Variants in TUSC3 observed in about 807,000 individuals in gnomAD.
TUSC3 encodes tumor suppressor candidate 3.
TUSC3 carries 45 observed loss-of-function variants against 44.8 expected under a neutral mutation model. The ratio of observed to expected loss-of-function variants is 1.00; its 90% CI spans 0.79 to 1.29. TUSC3 has a LOEUF of 1.29. Among genes scored for constraint, TUSC3 ranks in the 50% most tolerant of loss-of-function variants. The pLI, the probability that TUSC3 is intolerant of heterozygous loss-of-function variation, is 0.00. For missense variants in TUSC3, 519 were observed against 437.9 expected (o/e 1.19, Z -1.65); for synonymous variants, 212 against 152.9 (o/e 1.39, Z -2.85).
intron 1 of TUSC3, among the ~76,000 whole-genome samples, chr8:15,436,817 A>C (rs985388572): frequency 5.3e-5 from 8 of 152,222 alleles, no homozygotes; most frequent in African/African-American, 1.9e-4. Context: ...TACAGAGGTT[A>C]ACTCATAAGC....
chr8:15,622,244 G>A (rs1450422902), intron 1 of TUSC3, among the ~76,000 whole-genome samples: 2 of 151,952 alleles, frequency 1.3e-5, no homozygotes, highest in East Asian at 1.9e-4. Flanking sequence ...AACTTCTCAG[G>A]CTTGTTCAAG....
chr8:15,596,198 T>C (rs899102954), intron 1 of TUSC3, among the ~76,000 whole-genome samples: 3 of 152,226 alleles, frequency 2.0e-5, no homozygotes, highest in East Asian at 3.8e-4. Flanking sequence ...AATAATGATA[T>C]GACGTTTTTG....
chr8:15,523,664 ATGTGTGTGTGTG>A (rs869090876), intron 2 of TUSC3, among the ~76,000 whole-genome samples: 799 of 42,386 alleles, frequency 0.019, 46 homozygotes, highest in African/African-American at 0.064. Flanking sequence ...ATATATATAT[ATGTGTGTGTGTG>A]TGTGTGTGTG....
intron 2 of TUSC3, among the ~76,000 whole-genome samples, chr8:15,498,076 G>A (rs914197852): frequency 1.3e-5 from 2 of 152,148 alleles, no homozygotes; most frequent in Admixed American, 6.5e-5. Context: ...AGATGGAAGA[G>A]ACAAAAGTAG....
chr8:15,453,958 A>T (rs904490595), intron 1 of TUSC3, among the ~76,000 whole-genome samples: 1 of 152,186 alleles, frequency 6.6e-6, no homozygotes, highest in Non-Finnish European at 1.5e-5. Context: ...TCAAGCATGT[A>T]CACTAAGAGG....
At position 15,459,780 on chromosome 8, in the gene TUSC3, T is replaced by G. The variant is rs77590087; in HGVS notation, n.92-23606T>G. On this transcript the variant is annotated intron_variant and non_coding_transcript_variant, in intron 1 of 5. Transcript: ENST00000503191. ...ATAATAATCTCCAATCTCATCCCGG[T>G]CAATGCGAGTGCCATTAATTCATTC... Among the ~76,000 whole-genome samples the G allele has an allele frequency of 9.2e-5, 14 of 152,210 alleles. No homozygotes were observed. The East Asian group carries it at 2.7e-3, about 29-fold the overall frequency.
At chr8:15,723,165 A>G (rs182527136) in intron 6 of TUSC3, among the ~76,000 whole-genome samples, 2 of 152,154 alleles carry the variant, frequency 1.3e-5, no homozygotes, top group Non-Finnish European at 2.9e-5. Context: ...ATAGGAAAAT[A>G]AAATTCTAAG....
chr8:15,434,274 G>A lies in TUSC3; in HGVS notation n.91+16969G>A, dbSNP rs376171523. 2.2e-4 allele frequency among the ~76,000 whole-genome samples: 33 copies of A among 152,152 alleles called. 1 individual carries two copies. The highest frequency in any genetic ancestry group is 7.9e-4 in the African/African-American group (33 of 41,520). ...GAAGTGTCTGTTAAAGCCTTTGACT[G>A]GTATTAACTGGCTGTTTGTCTTTTC... On this transcript the variant is annotated intron_variant and non_coding_transcript_variant, in intron 1 of 5. Coordinates refer to the TUSC3 transcript ENST00000503191.
chr8:15,459,393 A>AT (rs902493183), intron 1 of TUSC3, among the ~76,000 whole-genome samples: 5 of 151,668 alleles, frequency 3.3e-5, no homozygotes, highest in African/African-American at 4.8e-5. Flanking sequence ...TTTGACATTA[A>AT]TTTTTTTTAC....
intron 1 of TUSC3, among the ~76,000 whole-genome samples, chr8:15,610,034 C>T (rs1210688316): frequency 1.3e-5 from 2 of 151,894 alleles, no homozygotes; most frequent in East Asian, 3.9e-4. Flanking sequence ...ATTTTTGTTG[C>T]TGTTGATCAC....
intron 1 of TUSC3, among the ~76,000 whole-genome samples, chr8:15,463,776 A>G (rs1800379065): frequency 6.6e-6 from 1 of 152,170 alleles, no homozygotes; most frequent in South Asian, 2.1e-4. Flanking sequence ...TCGCTTCTCT[A>G]CAACCAGGAT....
At chr8:15,790,696 A>G in the TUSC3 span, among the ~76,000 whole-genome samples, 1 of 152,146 alleles carries the variant, frequency 6.6e-6, no homozygotes, top group East Asian at 1.9e-4. Context: ...GTTTAGTGAT[A>G]GTTGAAGGAT....
chr8:15,517,416 T>C (rs1052167253), intron 2 of TUSC3, among the ~76,000 whole-genome samples: 2 of 149,202 alleles, frequency 1.3e-5, no homozygotes, highest in Non-Finnish European at 3.0e-5. Context: ...AAGTCAGACA[T>C]GGAAAATGGA....
At chr8:15,560,520 C>T (rs968545923) in intron 1 of TUSC3, among the ~76,000 whole-genome samples, 2 of 150,606 alleles carry the variant, frequency 1.3e-5, no homozygotes, top group Admixed American at 6.6e-5. Flanking sequence ...TTGTGGCATT[C>T]TCTGTGTTTC....
At chr8:15,593,422 T>C (rs565494878) in intron 1 of TUSC3, among the ~76,000 whole-genome samples, 1 of 152,342 alleles carries the variant, frequency 6.6e-6, no homozygotes, top group Non-Finnish European at 1.5e-5. Flanking sequence ...GTTTATCACT[T>C]ACTAAAATAA....
At chr8:15,446,134 G>A (rs930460091) in intron 1 of TUSC3, among the ~76,000 whole-genome samples, 7 of 151,738 alleles carry the variant, frequency 4.6e-5, no homozygotes, top group Admixed American at 6.6e-5. Context: ...AGACGGGGTC[G>A]CGGCCGGGCA....
intron 2 of TUSC3, among the ~76,000 whole-genome samples, chr8:15,637,838 A>G (rs1215484823): frequency 6.6e-6 from 1 of 151,334 alleles, no homozygotes; most frequent in East Asian, 1.9e-4. Flanking sequence ...CCTCCCTCCT[A>G]TTTCTTCCTC....
intron 5 of TUSC3, among the ~76,000 whole-genome samples, chr8:15,670,976 C>T (rs910315347): frequency 1.3e-5 from 2 of 151,938 alleles, no homozygotes; most frequent in Admixed American, 1.3e-4. Context: ...GACAGTGTGA[C>T]ACTATCATAC....
chr8:15,844,770 A>G, the TUSC3 span, among the ~76,000 whole-genome samples: 1 of 152,064 alleles, frequency 6.6e-6, no homozygotes, highest in African/African-American at 2.4e-5. Flanking sequence ...TAGATTACCA[A>G]CCTGTGACTT....
Sources: gnomAD v4.1 joint callset for allele counts (sites outside exome capture counted in the v4.1 genomes callset) on GRCh38, gnomAD v4.1.1 for gene constraint, MANE v1.5 for transcripts, NCBI Gene and HGNC (gene_info 2026-07-23, HGNC 2026-07-21) for gene names.